The following STK33 variants were observed in gnomAD, a reference collection of about 807,000 sequenced individuals.
STK33 encodes the protein serine/threonine kinase 33.
STK33 carries 52 observed loss-of-function variants against 58.0 expected under a neutral mutation model. The observed-to-expected ratio is 0.90, with a 90% CI of 0.72 to 1.13. STK33 has a LOEUF of 1.13. STK33 is among the 50% of genes most tolerant of loss of function. The probability of loss-of-function intolerance (pLI) is 0.00; values close to 1 mark genes in which losing one functional copy is unlikely to be tolerated. For missense variants in STK33, 630 were observed against 604.2 expected (o/e 1.04, Z -0.45); for synonymous variants, 215 against 200.1 (o/e 1.07, Z -0.63).
At chr11:8,455,476 T>C (rs1303949406) in intron 9 of STK33, among the ~76,000 whole-genome samples, 1 of 152,118 alleles carries the variant, frequency 6.6e-6, no homozygotes. Flanking sequence ...AAATAATTAA[T>C]TCAGTTCATA....
chr11:8,417,145 C>A (rs1941252682), intron 14 of STK33, among the ~76,000 whole-genome samples: 2 of 152,094 alleles, frequency 1.3e-5, no homozygotes. Context: ...CTTTTACTGG[C>A]TGCATCTAGG....
chr11:8,413,314 A>C (rs1168923149), intron 15 of STK33, among the ~76,000 whole-genome samples, 181 bp downstream of exon 15: 1 of 152,212 alleles, frequency 6.6e-6, no homozygotes, highest in African/African-American at 2.4e-5. Context: ...CCTTAAAATA[A>C]ACATGTAGGC....
chr11:8,591,074 G>A (rs1329434054), intron 1 of STK33, among the ~76,000 whole-genome samples: 1 of 152,172 alleles, frequency 6.6e-6, no homozygotes, highest in Non-Finnish European at 1.5e-5. Context: ...TCTTCTGTAA[G>A]TCTCTAAGGA....
Position 8,499,899 on chromosome 11 carries a change from A to T in STK33, c.-465-19285T>A, listed in dbSNP as rs182707958. 7.9e-5 allele frequency among the ~76,000 whole-genome samples: 12 copies of T among 152,208 alleles called. No individual in the cohort carries two copies. In the East Asian group the frequency reaches 2.1e-3, roughly 27 times the overall value. Reference sequence around the variant, plus strand: ...AACACATGGACACAGGGAGGGGAACATCACACACCAGGGCCTGTCGTGGGG... The same window carrying T: ...AACACATGGACACAGGGAGGGGAACTTCACACACCAGGGCCTGTCGTGGGG... On this transcript the variant is annotated intron_variant, in intron 1 of 15. Coordinates refer to ENST00000687296, the MANE Select transcript of STK33 (RefSeq NM_001352389.2).
intron 1 of STK33, among the ~76,000 whole-genome samples, chr11:8,481,744 C>T (rs1414311422): frequency 6.6e-6 from 1 of 152,132 alleles, no homozygotes; most frequent in East Asian, 1.9e-4. Context: ...GCTATAACTG[C>T]ACCCCCATCT....
At chr11:8,553,054 G>C (rs1417162475) in intron 1 of STK33, among the ~76,000 whole-genome samples, 1 of 150,412 alleles carries the variant, frequency 6.6e-6, no homozygotes, top group African/African-American at 2.4e-5. Context: ...TACTCAGGAA[G>C]CTGAGGCAGG....
At chr11:8,531,547 C>T (rs747046912) in intron 1 of STK33, among the ~76,000 whole-genome samples, 4 of 152,158 alleles carry the variant, frequency 2.6e-5, no homozygotes, top group Non-Finnish European at 4.4e-5. Context: ...CAGATGCTGG[C>T]GGATGGCAGG....
the STK33 span, among the ~76,000 whole-genome samples, chr11:8,367,209 A>C: frequency 6.6e-6 from 1 of 152,256 alleles, no homozygotes; most frequent in Non-Finnish European, 1.5e-5. Flanking sequence ...TGGAGGGCTT[A>C]TATCTGTGCG....
chr11:8,460,760 C>T (rs1168330444), intron 8 of STK33, among the ~76,000 whole-genome samples: 1 of 151,914 alleles, frequency 6.6e-6, no homozygotes, highest in Non-Finnish European at 1.5e-5. Context: ...TGATAACGAA[C>T]AAAACTATTC....
chr11:8,473,102 T>C (rs1340900261), intron 6 of STK33, 61 bp downstream of exon 6: 4 of 982,756 alleles, frequency 4.1e-6, no homozygotes, highest in Admixed American at 4.6e-5. Context: ...ATTTTTCCTA[T>C]TAACCATTGA....
intron 5 of STK33, 56 bp from the exon 6 acceptor site, chr11:8,473,332 T>C: frequency 4.9e-6 from 5 of 1,021,710 alleles, no homozygotes; most frequent in Non-Finnish European, 7.5e-6. Flanking sequence ...TATTCTTTGT[T>C]GACAAAGAAT....
chr11:8,448,770 A>G (rs1247048911), intron 11 of STK33, among the ~76,000 whole-genome samples: 1 of 152,226 alleles, frequency 6.6e-6, no homozygotes, highest in Non-Finnish European at 1.5e-5. Flanking sequence ...AACAAAAGCC[A>G]AAATTGACAA....
intron 15 of STK33, among the ~76,000 whole-genome samples, chr11:8,412,017 A>G (rs974145213): frequency 6.6e-5 from 10 of 152,264 alleles, no homozygotes; most frequent in Middle Eastern, 3.4e-3. Context: ...AGGGGATGGA[A>G]GACATTTGGT....
intron 11 of STK33, among the ~76,000 whole-genome samples, chr11:8,443,877 G>C (rs961296407): frequency 6.6e-6 from 1 of 152,122 alleles, no homozygotes; most frequent in African/African-American, 2.4e-5. Flanking sequence ...GCACATGCCT[G>C]TGCTCCTTGC....
intron 1 of STK33, among the ~76,000 whole-genome samples, chr11:8,509,759 A>G (rs1487748000): frequency 6.6e-6 from 1 of 152,122 alleles, no homozygotes; most frequent in Non-Finnish European, 1.5e-5. Flanking sequence ...AACATATGAT[A>G]GTTGGTTTTC....
Position 8,480,545 on chromosome 11 carries a change from G to A in STK33, c.-396C>T, listed in dbSNP as rs1454550561. On this transcript the variant is annotated 5_prime_UTR_variant, in exon 2 of 16. Coordinates refer to ENST00000687296, the MANE Select transcript of STK33 (RefSeq NM_001352389.2). ...TTATTGGAATTTACCCTGGAGTGGGGAGGGGCGTAGTGAGATGCAGGGAGG... is the reference window on the plus strand; with the variant it reads ...TTATTGGAATTTACCCTGGAGTGGGAAGGGGCGTAGTGAGATGCAGGGAGG... 1 of 152,340 alleles carries A rather than the reference G, an allele frequency of 6.6e-6. No homozygotes were observed. Among genetic ancestry groups the A allele is most frequent in the Non-Finnish European group, 1.5e-5 (1 of 68,122 alleles). The allele number at this position is 152,340 out of a possible 1,614,324, so 9.4% of individuals were successfully genotyped here. A position where few individuals can be genotyped will look rare whatever the true frequency, so the allele number is the denominator to read the frequency against.
At chr11:8,587,587 TAAAAA>T (rs11312849) in intron 1 of STK33, among the ~76,000 whole-genome samples, 20 of 141,628 alleles carry the variant, frequency 1.4e-4, no homozygotes, top group East Asian at 2.1e-4. Flanking sequence ...CAATGGAAGG[TAAAAA>T]AAAAAAAAAA....
At chr11:8,346,309 G>A in the STK33 span, among the ~76,000 whole-genome samples, 1 of 152,238 alleles carries the variant, frequency 6.6e-6, no homozygotes. Context: ...TGACCCTGCG[G>A]GGTGGGAGAG....
intron 8 of STK33, among the ~76,000 whole-genome samples, chr11:8,457,695 C>T (rs908026000): frequency 6.6e-6 from 1 of 152,152 alleles, no homozygotes; most frequent in Non-Finnish European, 1.5e-5. Flanking sequence ...GTTATCATTA[C>T]AGTATCATGT....
Sources: gnomAD v4.1 joint callset for allele counts (sites outside exome capture counted in the v4.1 genomes callset) on GRCh38, gnomAD v4.1.1 for gene constraint, MANE v1.5 for transcripts, NCBI Gene and HGNC (gene_info 2026-07-23, HGNC 2026-07-21) for gene names.